Variants in LRIG1 observed in about 807,000 individuals in gnomAD.
LRIG1 encodes leucine rich repeats and immunoglobulin like domains 1, also known as leucine-rich repeats and immunoglobulin-like domains protein 1.
LRIG1 carries 48 observed loss-of-function variants against 99.2 expected under a neutral mutation model. The observed-to-expected ratio is 0.48, with a 90% confidence interval of 0.38 to 0.62. LRIG1 has a LOEUF of 0.62. LRIG1 is among the 20% of genes least tolerant of loss of function. LRIG1 has a pLI of 0.00. For synonymous variants in LRIG1, 772 were observed against 596.1 expected (o/e 1.29, Z -4.30); for missense variants, 1,646 against 1,434.4 (o/e 1.15, Z -2.38).
At chr3:66,473,698 T>C (rs1700653440) in intron 1 of LRIG1, among the ~76,000 whole-genome samples, 1 of 152,210 alleles carries the variant, frequency 6.6e-6, no homozygotes, top group African/African-American at 2.4e-5. Flanking sequence ...CCCACAACTT[T>C]TCAAGAATAC....
At chr3:66,406,132 C>G (rs1010746333) in intron 8 of LRIG1, 1 of 985,408 alleles carries the variant, frequency 1.0e-6, no homozygotes, top group East Asian at 1.1e-4. Context: ...GGAATCAATG[C>G]TGCCAGCAGA....
intron 8 of LRIG1, chr3:66,406,097 T>C (rs893655202): frequency 1.1e-4 from 107 of 985,514 alleles, no homozygotes; most frequent in Non-Finnish European, 1.3e-4. Context: ...AAAGGAACTC[T>C]TGTCTCCTGT....
At chr3:66,452,147 ACT>A (rs989618910) in intron 2 of LRIG1, among the ~76,000 whole-genome samples, 1 of 151,084 alleles carries the variant, frequency 6.6e-6, no homozygotes, top group Non-Finnish European at 1.5e-5. Flanking sequence ...GGACTCAGAG[ACT>A]CTCTTCCATT....
rs1005759777 is a variant in LRIG1, at chr3:66,441,977, G to A, written c.365+9582C>T. On this transcript the variant is annotated intron_variant, in intron 3 of 18. Coordinates refer to ENST00000273261, the MANE Select transcript of LRIG1 (RefSeq NM_015541.3). ...GAGGTGACACAGTAAGACAGGTCCC[G>A]GGAAGTCCATAGAGCAACGCCTGCC... is the stretch of plus-strand genomic sequence containing the variant. Among the ~76,000 whole-genome samples the A allele has an allele frequency of 9.2e-5, 14 of 152,238 alleles. No homozygotes were observed. The South Asian group carries it at 1.7e-3, about 18-fold the overall frequency.
intron 11 of LRIG1, among the ~76,000 whole-genome samples, chr3:66,396,068 C>T (rs531603387): frequency 3.7e-4 from 56 of 152,358 alleles, no homozygotes; most frequent in African/African-American, 1.3e-3. Context: ...AAGGGCTAAG[C>T]CTCATCCTAC....
At chr3:66,407,324 T>C (rs1292356642) in intron 8 of LRIG1, 24 bp downstream of exon 8, 1 of 1,613,826 alleles carries the variant, frequency 6.2e-7, no homozygotes, top group South Asian at 1.1e-5. Context: ...GACCCCTTTA[T>C]CCTGTCAGTA....
intron 1 of LRIG1, among the ~76,000 whole-genome samples, chr3:66,467,611 T>G (rs541844503): frequency 6.6e-6 from 1 of 152,296 alleles, no homozygotes; most frequent in East Asian, 1.9e-4. Context: ...TGTGCCCGCC[T>G]CGGCCTCCCA....
intron 1 of LRIG1, among the ~76,000 whole-genome samples, chr3:66,497,973 T>A (rs970416744): frequency 3.3e-5 from 5 of 152,214 alleles, no homozygotes; most frequent in Non-Finnish European, 7.3e-5. Flanking sequence ...AATACTCTTA[T>A]GGAAATTCCA....
chr3:66,429,331 C>T (rs1252538656), intron 3 of LRIG1, among the ~76,000 whole-genome samples: 1 of 152,196 alleles, frequency 6.6e-6, no homozygotes, highest in Non-Finnish European at 1.5e-5. Context: ...TCTGTGAAGT[C>T]TAGAGTGACC....
Position 66,462,439 on chromosome 3 carries a change from CT to C in LRIG1, c.288del (p.Val97CysfsTer8), listed in dbSNP as rs756689696. ...CCAGAGGTTTAGGGGGAGACTCACA[CT>C]TCCTGTAGGTTCGGCAAGTCCTCAA... ...AGFEDLPNLQ[E>X]VYLNNNELTA... On this transcript the variant is annotated frameshift_variant and splice_region_variant, in exon 2 of 19. Coordinates refer to ENST00000273261, the MANE Select transcript of LRIG1 (RefSeq NM_015541.3). LOFTEE classifies it high-confidence loss of function. 6.2e-7 allele frequency: 1 copy of C among 1,611,244 alleles called. No individual in the cohort carries two copies. The highest frequency in any genetic ancestry group is 1.3e-5 in the African/African-American group (1 of 74,886).
At chr3:66,472,798 A>G (rs1364504968) in intron 1 of LRIG1, among the ~76,000 whole-genome samples, 2 of 151,796 alleles carry the variant, frequency 1.3e-5, no homozygotes, top group African/African-American at 4.8e-5. Flanking sequence ...AAAACAAAAA[A>G]CCCCTTCCCT....
chr3:66,484,838 T>C (rs1300428452), intron 1 of LRIG1, among the ~76,000 whole-genome samples: 2 of 151,552 alleles, frequency 1.3e-5, no homozygotes, highest in Non-Finnish European at 2.9e-5. Flanking sequence ...GAAATAGTAA[T>C]GACAAAAAAA....
chr3:66,500,072 G>T, intron 1 of LRIG1, 118 bp downstream of exon 1: 2 of 744,664 alleles, frequency 2.7e-6, no homozygotes, highest in Non-Finnish European at 4.1e-6. Flanking sequence ...GCACAAGCAC[G>T]CACAACTCCA....
chr3:66,379,984 C>G lies in LRIG1; in HGVS notation c.*279G>C, dbSNP rs1005573873. 6 of 243,014 alleles carry G rather than the reference C, an allele frequency of 2.5e-5. No homozygotes were observed. The highest frequency in any genetic ancestry group is 1.3e-4 in the African/African-American group (6 of 44,726). 15.1% of individuals were successfully genotyped at this position (243,014 alleles called of 1,614,324 possible). ...AAATTGTATAATTTTTTTCTGTTAA[C>G]CATGCACTAAAGATTAAAATAGCCT... is the stretch of plus-strand genomic sequence containing the variant. On this transcript the variant is annotated 3_prime_UTR_variant, in exon 19 of 19. Transcript: ENST00000273261.
intron 16 of LRIG1, 81 bp from the exon 17 acceptor site, chr3:66,381,712 G>T: frequency 1.4e-6 from 2 of 1,456,036 alleles, no homozygotes; most frequent in Non-Finnish European, 1.9e-6. Context: ...GAGCAAGGCC[G>T]CTAGAACAGT....
chr3:66,493,866 A>G (rs898532146), intron 1 of LRIG1, among the ~76,000 whole-genome samples: 2 of 143,682 alleles, frequency 1.4e-5, no homozygotes, highest in African/African-American at 5.0e-5. Context: ...AAAGAAAGGA[A>G]GAAAGACGAA....
chr3:66,409,930 G>A, intron 7 of LRIG1, 199 bp downstream of exon 7: 1 of 519,224 alleles, frequency 1.9e-6, no homozygotes, highest in South Asian at 2.8e-5. Flanking sequence ...CAGAGGAAGT[G>A]AAGGGGAGAT....
chr3:66,405,972 G>C, intron 8 of LRIG1: 1 of 995,226 alleles, frequency 1.0e-6, no homozygotes, highest in Non-Finnish European at 1.2e-6. Context: ...ACAGTGCCCA[G>C]GCGAGACATC....
At chr3:66,479,059 C>T (rs1700788784) in intron 1 of LRIG1, among the ~76,000 whole-genome samples, 1 of 152,196 alleles carries the variant, frequency 6.6e-6, no homozygotes, top group Non-Finnish European at 1.5e-5. Flanking sequence ...TACGTCCTCC[C>T]TTCCCCCAGC....
Sources: allele counts gnomAD v4.1 joint callset (sites outside exome capture counted in the v4.1 genomes callset), GRCh38; gene constraint gnomAD v4.1.1; transcripts MANE v1.5; gene names NCBI Gene and HGNC (gene_info 2026-07-23, HGNC 2026-07-21).